Variants in SWAP70 observed in about 807,000 individuals in gnomAD.
SWAP70 encodes the protein switch-associated protein 70.
A neutral mutation model predicts 80.2 loss-of-function variants in SWAP70; 34 were observed. The observed-to-expected ratio is 0.42, with a 90% CI of 0.32 to 0.56. The LOEUF is 0.56. Ranked by LOEUF, SWAP70 falls within the 20% of genes least tolerant of loss-of-function variation. The pLI is 0.09. For missense variants in SWAP70, 578 were observed against 690.7 expected, an observed-to-expected ratio of 0.84 and a Z score of 1.83; for synonymous variants, 239 against 238.5, an observed-to-expected ratio of 1.00 and a Z score of -0.02.
Position 9,752,526 on chromosome 11 carries a change from G to C in SWAP70, c.*2556G>C, listed in dbSNP as rs1181186749. On this transcript the variant is annotated 3_prime_UTR_variant, in exon 12 of 12. Coordinates refer to ENST00000318950, the MANE Select transcript of SWAP70 (RefSeq NM_015055.4). ...TGCTTTGGCTAAGATAGATACTTGT[G>C]AATCAAAGATAGCACAGAAATGAAC... is the stretch of plus-strand genomic sequence containing the variant. 1 of 152,240 alleles carries C rather than the reference G, an allele frequency of 6.6e-6. No homozygotes were observed. The highest frequency in any genetic ancestry group is 1.5e-5 in the Non-Finnish European group (1 of 68,040). 9.4% of individuals were successfully genotyped at this position (152,240 alleles called of 1,614,324 possible). A position where few individuals can be genotyped will look rare whatever the true frequency, so the allele number is the denominator to read the frequency against.
intron 7 of SWAP70, 86 bp from the exon 8 acceptor site, chr11:9,738,127 T>C: frequency 1.2e-6 from 1 of 863,520 alleles, no homozygotes. Context: ...TGGCTTTTCC[T>C]GTACTTAAGT....
chr11:9,724,928 T>G, intron 4 of SWAP70, 43 bp downstream of exon 4: 1 of 1,296,236 alleles, frequency 7.7e-7, no homozygotes, highest in South Asian at 1.3e-5. Flanking sequence ...CTTTAGAATT[T>G]GACATTTTAA....
rs1053924153 is a variant in SWAP70 at position 9,751,532 on chromosome 11, A to G, written c.*1562A>G. 10 of 152,242 alleles carry G rather than the reference A, an allele frequency of 6.6e-5. No homozygotes were observed. The highest frequency in any genetic ancestry group is 1.9e-4 in the African/African-American group (8 of 41,456). 9.4% of individuals were successfully genotyped at this position (152,242 alleles called of 1,614,324 possible). A position where few individuals can be genotyped will look rare whatever the true frequency, so the allele number is the denominator to read the frequency against. On this transcript the variant is annotated 3_prime_UTR_variant, in exon 12 of 12. Coordinates refer to ENST00000318950, the MANE Select transcript of SWAP70 (RefSeq NM_015055.4). ...AAAAAAGGGCAGAATTCAGTAGAAT[A>G]AAGTCCTTTTCTCTTACAGGTATTA... is the stretch of plus-strand genomic sequence containing the variant.
intron 3 of SWAP70, chr11:9,720,423 A>G (rs1159168819): frequency 1.3e-5 from 13 of 985,314 alleles, no homozygotes; most frequent in Admixed American, 6.1e-5. Flanking sequence ...CAAACATAAC[A>G]AGTCATCTGA....
chr11:9,707,970 T>C (rs1349388240), intron 2 of SWAP70, among the ~76,000 whole-genome samples: 1 of 152,220 alleles, frequency 6.6e-6, no homozygotes, highest in Non-Finnish European at 1.5e-5. Context: ...TTCTGAGATT[T>C]TGGTGCACCT....
intron 1 of SWAP70, among the ~76,000 whole-genome samples, chr11:9,676,042 C>G (rs1035545874): frequency 2.0e-5 from 3 of 152,200 alleles, no homozygotes; most frequent in Non-Finnish European, 2.9e-5. Flanking sequence ...GATTTACTTG[C>G]TTTTCAGCAG....
chr11:9,724,819 C>G lies in SWAP70; in HGVS notation c.576C>G (p.Asp192Glu). 6.2e-7 allele frequency: 1 copy of G among 1,613,996 alleles called. No homozygotes were observed. Among genetic ancestry groups the G allele is most frequent in the Non-Finnish European group, 8.5e-7 (1 of 1,179,968 alleles). Reference protein sequence around the residue: ...IGNGQFSKGMDRQTVSMAINE... With the variant: ...IGNGQFSKGMERQTVSMAINE... ...ATGGACAGTTTAGCAAAGGCATGGA[C>G]CGGCAGACTGTGTCTATGGCAATTA... The change falls in exon 4 of 12, where the codon GAC becomes GAG. Residue 192 changes from aspartate to glutamate, a missense_variant. Coordinates refer to ENST00000318950, the MANE Select transcript of SWAP70 (RefSeq NM_015055.4).
At chr11:9,743,168 C>T (rs999772012) in intron 9 of SWAP70, among the ~76,000 whole-genome samples, 4 of 147,238 alleles carry the variant, frequency 2.7e-5, no homozygotes, top group East Asian at 4.1e-4. Flanking sequence ...TTTGTTCTTG[C>T]GATAGTTTAC....
At chr11:9,678,611 C>CA in intron 1 of SWAP70, among the ~76,000 whole-genome samples, 1 of 134,516 alleles carries the variant, frequency 7.4e-6, no homozygotes. Context: ...TCTTAGGACT[C>CA]AGAGTTCTTA....
chr11:9,745,638 T>C (rs1006058779), intron 9 of SWAP70, among the ~76,000 whole-genome samples: 1 of 152,238 alleles, frequency 6.6e-6, no homozygotes, highest in African/African-American at 2.4e-5. Context: ...TAATATGAGC[T>C]GTTACCTACC....
chr11:9,683,131 G>A (rs1246573194), intron 1 of SWAP70, among the ~76,000 whole-genome samples: 1 of 152,220 alleles, frequency 6.6e-6, no homozygotes, highest in East Asian at 1.9e-4. Flanking sequence ...TGGGTACGCT[G>A]GCGCATGCCT....
chr11:9,737,307 G>T (rs986385738), intron 7 of SWAP70, among the ~76,000 whole-genome samples: 7 of 152,164 alleles, frequency 4.6e-5, no homozygotes, highest in African/African-American at 1.7e-4. Flanking sequence ...CACTGACACT[G>T]TGGGGGTGGG....
rs561411955 is a variant in SWAP70, at chr11:9,688,931, A to G, written c.100-5215A>G. ...GGTAGGAAATTGGTCATGCTGGTCC[A>G]TTGTTAGGAAGAATTTTCTGGTAAT... On this transcript the variant is annotated intron_variant, in intron 1 of 11. Transcript: ENST00000318950. 2.0e-5 allele frequency among the ~76,000 whole-genome samples: 3 copies of G among 148,982 alleles called. No individual in the cohort carries two copies. In the East Asian group the frequency reaches 5.8e-4, roughly 29 times the overall value.
intron 1 of SWAP70, among the ~76,000 whole-genome samples, chr11:9,679,929 A>G (rs1212053460): frequency 6.6e-6 from 1 of 152,192 alleles, no homozygotes. Context: ...TCAGCCTTCC[A>G]GAGTGCTGGG....
intron 1 of SWAP70, among the ~76,000 whole-genome samples, chr11:9,692,854 C>T (rs1850713033): frequency 6.6e-6 from 1 of 152,180 alleles, no homozygotes. Context: ...GCTTGAGAAA[C>T]ACAGCCTGCT....
chr11:9,687,526 G>T lies in SWAP70; in HGVS notation c.100-6620G>T, dbSNP rs75603498. On this transcript the variant is annotated intron_variant, in intron 1 of 11. Transcript: ENST00000318950. Reference sequence around the variant, plus strand: ...AAAGAAAATATAAGCATTTTTCTGTGGTCAAATTTACCAGTATTTTCTGTT... The same window carrying T: ...AAAGAAAATATAAGCATTTTTCTGTTGTCAAATTTACCAGTATTTTCTGTT... Among the ~76,000 whole-genome samples the T allele has an allele frequency of 7.0e-3, 1,061 of 152,012 alleles. 15 individuals are homozygous for T. Among genetic ancestry groups the T allele is most frequent in the African/African-American group, 0.024 (1,001 of 41,460 alleles).
At chr11:9,698,620 G>A (rs192818404) in intron 2 of SWAP70, among the ~76,000 whole-genome samples, 2 of 152,232 alleles carry the variant, frequency 1.3e-5, no homozygotes, top group Admixed American at 1.3e-4. Context: ...GGCCAGGCTA[G>A]TCTCCAACTC....
intron 3 of SWAP70, among the ~76,000 whole-genome samples, chr11:9,714,089 G>C (rs1303864917): frequency 1.3e-5 from 2 of 152,106 alleles, no homozygotes; most frequent in Non-Finnish European, 2.9e-5. Flanking sequence ...ACCTTTCAAA[G>C]TAAAAGAAAG....
intron 2 of SWAP70, among the ~76,000 whole-genome samples, chr11:9,711,809 T>A (rs531044176): frequency 6.6e-6 from 1 of 152,196 alleles, no homozygotes; most frequent in Non-Finnish European, 1.5e-5. Flanking sequence ...AGGTTACCCA[T>A]TGTTTTTCCA....
Sources: allele counts gnomAD v4.1 joint callset (sites outside exome capture counted in the v4.1 genomes callset), GRCh38; gene constraint gnomAD v4.1.1; transcripts MANE v1.5; gene names NCBI Gene and HGNC (gene_info 2026-07-23, HGNC 2026-07-21).